The following SPON1 variants were observed in gnomAD, a reference collection of about 807,000 sequenced individuals.
SPON1 encodes spondin 1, also known as spondin-1.
A neutral mutation model predicts 111.7 loss-of-function variants in SPON1; 52 were observed. The observed-to-expected ratio is 0.47, with a 90% CI of 0.37 to 0.59. The LOEUF is 0.59. Ranked by LOEUF, SPON1 falls within the 20% of genes least tolerant of loss-of-function variation. The pLI, the probability that SPON1 is intolerant of heterozygous loss-of-function variation, is 0.00. For synonymous variants in SPON1, 410 were observed against 395.8 expected, an observed-to-expected ratio of 1.04 and a Z score of -0.43; for missense variants, 957 against 1,068.5, an observed-to-expected ratio of 0.90 and a Z score of 1.46.
chr11:14,121,738 T>C (rs907614845), intron 5 of SPON1, among the ~76,000 whole-genome samples: 1 of 152,192 alleles, frequency 6.6e-6, no homozygotes, highest in Non-Finnish European at 1.5e-5. Flanking sequence ...GTTTTCATTT[T>C]CCTTCAGCCT....
rs782780924 is a variant in SPON1, at chr11:14,113,568, ATTTTTTTTTTTTTTTTTTT to A, written c.677-21818_677-21800del. Among the ~76,000 whole-genome samples, 21 of 74,736 alleles carry A rather than the reference ATTTTTTTTTTTTTTTTTTT, an allele frequency of 2.8e-4. 1 individual carries two copies. Among genetic ancestry groups the A allele is most frequent in the African/African-American group, 5.9e-4 (11 of 18,786 alleles). 49.0% of individuals were successfully genotyped at this position (74,736 alleles called of 152,430 possible). ...AAGTCACCTCCTATGTACTTTTTAA[ATTTTTTTTTTTTTTTTTTT>A]TTTTTTTTTTTTTTTTTTTTTTTTT... On this transcript the variant is annotated intron_variant, in intron 5 of 15. Transcript: ENST00000576479.
chr11:14,029,273 C>T (rs1554915734), intron 2 of SPON1, among the ~76,000 whole-genome samples: 3 of 152,062 alleles, frequency 2.0e-5, no homozygotes, highest in African/African-American at 7.2e-5. Context: ...AACTAAAATG[C>T]TGCTGGAAAT....
chr11:14,235,153 T>C (rs1848849205), intron 6 of SPON1, among the ~76,000 whole-genome samples: 1 of 152,202 alleles, frequency 6.6e-6, no homozygotes, highest in African/African-American at 2.4e-5. Context: ...CCCAGGTCGA[T>C]GAGTGTCACT....
chr11:14,067,032 C>G (rs1554920414), intron 3 of SPON1, among the ~76,000 whole-genome samples: 1 of 152,088 alleles, frequency 6.6e-6, no homozygotes, highest in African/African-American at 2.4e-5. Flanking sequence ...TAAAAAGCAG[C>G]CAAGCATAGT....
chr11:14,216,388 C>T (rs1379388240), intron 6 of SPON1, among the ~76,000 whole-genome samples: 1 of 152,102 alleles, frequency 6.6e-6, no homozygotes, highest in African/African-American at 2.4e-5. Context: ...GCAGATGCCT[C>T]CCCCCATGAG....
In SPON1 at chr11:14,227,829, G is replaced by T. The variant is rs1848757249; in HGVS notation, c.826-15503G>T. Among the ~76,000 whole-genome samples the T allele has an allele frequency of 5.3e-5, 8 of 152,114 alleles. 1 individual carries two copies. The South Asian group carries it at 1.7e-3, about 32-fold the overall frequency. On this transcript the variant is annotated intron_variant, in intron 6 of 15. Coordinates refer to ENST00000576479, the MANE Select transcript of SPON1 (RefSeq NM_006108.4). Reference sequence around the variant, plus strand: ...CCAAAACCCAGCCTCTTAATACCATGCTTTTGCAAAATTAAATAATTCCCA... The same window carrying T: ...CCAAAACCCAGCCTCTTAATACCATTCTTTTGCAAAATTAAATAATTCCCA...
chr11:13,966,937 T>A (rs1034243048), intron 1 of SPON1, among the ~76,000 whole-genome samples: 14 of 152,226 alleles, frequency 9.2e-5, no homozygotes, highest in Non-Finnish European at 2.9e-5. Context: ...TAAAAAAATA[T>A]GTTATGAGAT....
At chr11:14,061,668 A>G (rs1272866272) in intron 3 of SPON1, among the ~76,000 whole-genome samples, 1 of 152,234 alleles carries the variant, frequency 6.6e-6, no homozygotes, top group Non-Finnish European at 1.5e-5. Context: ...ACAGTAATAC[A>G]AATAGAGGAA....
intron 6 of SPON1, among the ~76,000 whole-genome samples, chr11:14,213,263 G>A (rs2133902824): frequency 6.6e-6 from 1 of 152,280 alleles, no homozygotes; most frequent in East Asian, 1.9e-4. Context: ...AGAAAAAATG[G>A]TCAGAAAACA....
Position 14,259,818 on chromosome 11 carries a change from T to C in SPON1, c.1831+117T>C. ...GCTGAGCAGAGGAAAGCATGGCCCA[T>C]GGTCCTTGCTGGGCACTGCTGGGAG... On this transcript the variant is annotated intron_variant, in intron 13 of 15. Coordinates refer to ENST00000576479, the MANE Select transcript of SPON1 (RefSeq NM_006108.4). The surrounding 1 kb of genome is among the most constrained non-coding windows in gnomAD (Gnocchi z 5.0). The C allele has an allele frequency of 8.6e-7, 1 of 1,165,380 alleles. No homozygotes were observed. The highest frequency in any genetic ancestry group is 1.2e-6 in the Non-Finnish European group (1 of 830,668). 72.2% of individuals were successfully genotyped at this position (1,165,380 alleles called of 1,614,324 possible). A position where few individuals can be genotyped will look rare whatever the true frequency, so the allele number is the denominator to read the frequency against.
chr11:13,973,321 A>G (rs1299478952), intron 1 of SPON1, among the ~76,000 whole-genome samples: 9 of 152,216 alleles, frequency 5.9e-5, no homozygotes, highest in Admixed American at 4.6e-4. Flanking sequence ...TGTGATTGGA[A>G]GCCCCAGTGA....
chr11:14,077,607 T>C (rs1272058295), intron 4 of SPON1, among the ~76,000 whole-genome samples: 1 of 151,864 alleles, frequency 6.6e-6, no homozygotes, highest in Non-Finnish European at 1.5e-5. Context: ...TTTGTATTTT[T>C]AGTAGAGATG....
At chr11:14,225,620 A>G (rs1228491527) in intron 6 of SPON1, among the ~76,000 whole-genome samples, 2 of 152,244 alleles carry the variant, frequency 1.3e-5, no homozygotes, top group African/African-American at 4.8e-5. Context: ...AGCTTCAGGC[A>G]TGGATTATTT....
intron 6 of SPON1, among the ~76,000 whole-genome samples, chr11:14,161,237 T>TTATATATATCTATATATTTA (rs200834992): frequency 3.8e-5 from 2 of 52,674 alleles, no homozygotes; most frequent in East Asian, 5.1e-4. Context: ...ATTTATATAT[T>TTATATATATCTATATATTTA]TATATATCTA....
intron 3 of SPON1, among the ~76,000 whole-genome samples, chr11:14,055,941 C>A (rs995595780): frequency 2.0e-5 from 3 of 152,202 alleles, no homozygotes; most frequent in Non-Finnish European, 4.4e-5. Flanking sequence ...ACCCCAGTGG[C>A]CTCTTTACTT....
chr11:14,156,810 TGC>T (rs1847853632), intron 6 of SPON1, among the ~76,000 whole-genome samples: 1 of 152,160 alleles, frequency 6.6e-6, no homozygotes, highest in Admixed American at 6.6e-5. Flanking sequence ...GTTGTAGATA[TGC>T]GGCATTATTT....
chr11:14,212,407 T>A (rs1292070816), intron 6 of SPON1, among the ~76,000 whole-genome samples: 1 of 152,232 alleles, frequency 6.6e-6, no homozygotes, highest in South Asian at 2.1e-4. Flanking sequence ...ATGTTTATTA[T>A]AAAATATCAT....
intron 6 of SPON1, among the ~76,000 whole-genome samples, chr11:14,197,112 G>A (rs1848410440): frequency 6.6e-6 from 1 of 152,158 alleles, no homozygotes. Flanking sequence ...CTAGCTCAGG[G>A]CTGGTCACAA....
At chr11:14,122,448 C>G (rs2133854387) in intron 5 of SPON1, among the ~76,000 whole-genome samples, 1 of 152,348 alleles carries the variant, frequency 6.6e-6, no homozygotes, top group African/African-American at 2.4e-5. Context: ...GCTGGGATTA[C>G]AGGCGTGAGC....
Sources: gnomAD v4.1 joint callset for allele counts (sites outside exome capture counted in the v4.1 genomes callset) on GRCh38, gnomAD v4.1.1 for gene constraint, Gnocchi (gnomAD v3.1) non-coding constraint, MANE v1.5 for transcripts, NCBI Gene and HGNC (gene_info 2026-07-23, HGNC 2026-07-21) for gene names.